LSM14A: variants seen among roughly 807,000 people sequenced by gnomAD.
The protein encoded by LSM14A is LSM14A mRNA processing body assembly factor.
A neutral mutation model predicts 52.4 loss-of-function variants in LSM14A; 14 were observed. The ratio of observed to expected loss-of-function variants is 0.27; its 90% confidence interval spans 0.18 to 0.42. The LOEUF is 0.42. Ranked by LOEUF, LSM14A falls within the 10% of genes least tolerant of loss-of-function variation. LSM14A has a pLI of 1.00. For synonymous variants in LSM14A, 185 were observed against 200.3 expected, an observed-to-expected ratio of 0.92 and a Z score of 0.64; for missense variants, 417 against 581.8, an observed-to-expected ratio of 0.72 and a Z score of 2.91.
chr19:34,206,408 C>T (rs867830106), intron 3 of LSM14A, among the ~76,000 whole-genome samples: 53 of 151,872 alleles, frequency 3.5e-4, no homozygotes, highest in African/African-American at 1.3e-3. Flanking sequence ...GTGGCTCAAA[C>T]CTGTAATCCC....
rs762884210 is a variant in LSM14A, at chr19:34,219,732, C to T, written c.991C>T (p.Pro331Ser). ...KEDKLEKQEK[P>S]VNGEDKGDSG... ...AGATAAACTTGAGAAACAGGAGAAG[C>T]CTGTAAATGGTGAAGATAAAGGAGA... Residue 331 changes from proline to serine, a missense_variant, in exon 8 of 10, where the codon CCT becomes TCT. Pro to Ser is a moderately conservative substitution (Grantham distance 74). Coordinates refer to ENST00000544216, the MANE Select transcript of LSM14A (RefSeq NM_015578.4). 1 of 1,611,510 alleles carries T rather than the reference C, an allele frequency of 6.2e-7. No homozygotes were observed. The highest frequency in any genetic ancestry group is 8.5e-7 in the Non-Finnish European group (1 of 1,179,426).
At chr19:34,225,065 C>A (rs2073269714) in intron 9 of LSM14A, among the ~76,000 whole-genome samples, 1 of 152,100 alleles carries the variant, frequency 6.6e-6, no homozygotes, top group African/African-American at 2.4e-5. Context: ...TAGTTTTGTT[C>A]TGCATCACCA....
At chr19:34,193,976 G>A (rs2070655339) in intron 1 of LSM14A, among the ~76,000 whole-genome samples, 1 of 152,178 alleles carries the variant, frequency 6.6e-6, no homozygotes, top group Non-Finnish European at 1.5e-5. Flanking sequence ...TTCAAGACCA[G>A]CCTGTGCAAA....
At chr19:34,218,258 C>A (rs2072814150) in intron 6 of LSM14A, among the ~76,000 whole-genome samples, 1 of 152,302 alleles carries the variant, frequency 6.6e-6, no homozygotes, top group Middle Eastern at 3.4e-3. Flanking sequence ...CCCGCCCCGG[C>A]CTCCCAAAGT....
chr19:34,182,104 A>G (rs1350924596), intron 1 of LSM14A, among the ~76,000 whole-genome samples: 1 of 151,986 alleles, frequency 6.6e-6, no homozygotes, highest in African/African-American at 2.4e-5. Flanking sequence ...ATTATCTCTC[A>G]CTAGTCTATT....
chr19:34,212,044 TC>T, intron 4 of LSM14A, among the ~76,000 whole-genome samples: 1 of 152,000 alleles, frequency 6.6e-6, no homozygotes, highest in East Asian at 1.9e-4. Flanking sequence ...CAGAAACAGA[TC>T]CGAGTATAAA....
intron 6 of LSM14A, among the ~76,000 whole-genome samples, chr19:34,216,797 T>C (rs900001431): frequency 6.6e-6 from 1 of 152,230 alleles, no homozygotes; most frequent in Non-Finnish European, 1.5e-5. Context: ...TATTTCCTGC[T>C]AGAAGGATTT....
chr19:34,203,141 C>G (rs1422457622), intron 3 of LSM14A, among the ~76,000 whole-genome samples: 1 of 148,456 alleles, frequency 6.7e-6, no homozygotes, highest in African/African-American at 2.4e-5. Context: ...AAAAAGGATT[C>G]ATAGAAACAG....
At chr19:34,203,489 G>A (rs1181524196) in intron 3 of LSM14A, among the ~76,000 whole-genome samples, 1 of 152,010 alleles carries the variant, frequency 6.6e-6, no homozygotes, top group African/African-American at 2.4e-5. Context: ...AACCATTATG[G>A]ATGTTAAACT....
chr19:34,194,377 A>G (rs1265026655), intron 1 of LSM14A, 101 bp from the exon 2 acceptor site: 2 of 1,080,892 alleles, frequency 1.9e-6, no homozygotes, highest in Non-Finnish European at 2.7e-6. Context: ...CAGACATTTC[A>G]GAACTACTGC....
intron 3 of LSM14A, among the ~76,000 whole-genome samples, chr19:34,202,959 C>T (rs1046394363): frequency 5.9e-5 from 9 of 152,104 alleles, no homozygotes; most frequent in Non-Finnish European, 8.8e-5. Flanking sequence ...GCCTGGCGGA[C>T]TTTTCTTAAA....
At chr19:34,180,301 GT>G (rs1462317869) in intron 1 of LSM14A, among the ~76,000 whole-genome samples, 1 of 152,154 alleles carries the variant, frequency 6.6e-6, no homozygotes, top group Non-Finnish European at 1.5e-5. Context: ...GTTTTGTAGG[GT>G]TTTTTGTTTG....
At chr19:34,194,448 C>T (rs1160990580) in intron 1 of LSM14A, 30 bp from the exon 2 acceptor site, 3 of 1,604,258 alleles carry the variant, frequency 1.9e-6, no homozygotes, top group Non-Finnish European at 2.6e-6. Context: ...TGAGTAGTCA[C>T]ACATCTCATA....
At chr19:34,200,542 T>A (rs562849760) in intron 3 of LSM14A, among the ~76,000 whole-genome samples, 1 of 152,290 alleles carries the variant, frequency 6.6e-6, no homozygotes, top group East Asian at 1.9e-4. Context: ...AAGAAAAATG[T>A]GTATATTAAG....
intron 9 of LSM14A, among the ~76,000 whole-genome samples, chr19:34,225,061 T>G (rs2073268993): frequency 6.6e-6 from 1 of 152,254 alleles, no homozygotes; most frequent in African/African-American, 2.4e-5. Context: ...TATTTAGTTT[T>G]GTTCTGCATC....
intron 1 of LSM14A, among the ~76,000 whole-genome samples, chr19:34,187,710 G>A (rs952177485): frequency 2.0e-5 from 3 of 152,240 alleles, no homozygotes; most frequent in Admixed American, 6.5e-5. Flanking sequence ...TGGAGGTATT[G>A]TATTGGGAAG....
At chr19:34,224,310 G>A (rs566414179) in intron 9 of LSM14A, among the ~76,000 whole-genome samples, 7 of 152,252 alleles carry the variant, frequency 4.6e-5, no homozygotes, top group East Asian at 1.9e-4. Flanking sequence ...CAGCCTGGGC[G>A]ACAGAGCAAG....
At chr19:34,206,943 A>T (rs890619710) in intron 3 of LSM14A, among the ~76,000 whole-genome samples, 9 of 152,214 alleles carry the variant, frequency 5.9e-5, no homozygotes, top group African/African-American at 1.9e-4. Context: ...ACGTTAACAG[A>T]CCAGGAATAA....
At chr19:34,195,813 G>A (rs1243028062) in intron 2 of LSM14A, among the ~76,000 whole-genome samples, 4 of 152,138 alleles carry the variant, frequency 2.6e-5, no homozygotes, top group South Asian at 2.1e-4. Context: ...TTGAGTAATC[G>A]GTTTTATGGA....
Sources: allele counts gnomAD v4.1 joint callset (sites outside exome capture counted in the v4.1 genomes callset), GRCh38; gene constraint gnomAD v4.1.1; transcripts MANE v1.5; gene names NCBI Gene and HGNC (gene_info 2026-07-23, HGNC 2026-07-21).